Variants in ARHGAP15 observed in about 807,000 individuals in gnomAD.
ARHGAP15 encodes the protein rho GTPase-activating protein 15.
In ARHGAP15, 51 loss-of-function variants were observed where a neutral mutation model predicts 63.7. The ratio of observed to expected loss-of-function variants is 0.80; its 90% CI spans 0.64 to 1.01. ARHGAP15 has a LOEUF of 1.01. Ranked by LOEUF, ARHGAP15 falls within the 50% of genes least tolerant of loss-of-function variation. ARHGAP15 has a pLI of 0.00. For missense variants in ARHGAP15, 560 were observed against 564.6 expected, an observed-to-expected ratio of 0.99 and a Z score of 0.08; for synonymous variants, 191 against 193.8, an observed-to-expected ratio of 0.99 and a Z score of 0.12.
intron 10 of ARHGAP15, among the ~76,000 whole-genome samples, chr2:143,543,684 A>C (rs1695203098): frequency 6.6e-6 from 1 of 152,050 alleles, no homozygotes; most frequent in African/African-American, 2.4e-5. Context: ...TATATATGCA[A>C]ATACCCAGAT....
At chr2:143,348,810 C>CTGAT (rs1201637164) in intron 6 of ARHGAP15, among the ~76,000 whole-genome samples, 1 of 152,142 alleles carries the variant, frequency 6.6e-6, no homozygotes, top group Non-Finnish European at 1.5e-5. Context: ...CATTTCAATA[C>CTGAT]TGATCTTCTA....
rs146628520 is a variant in ARHGAP15 at position 143,472,871 on chromosome 2, A to G, written c.704-14502A>G. Reference sequence around the variant, plus strand: ...CTGGGCTCCAGGGAAGTTAAGTCACACACTTGCTAAGTGGTAGACCCAGGA... The same window carrying G: ...CTGGGCTCCAGGGAAGTTAAGTCACGCACTTGCTAAGTGGTAGACCCAGGA... On this transcript the variant is annotated intron_variant, in intron 8 of 13. Coordinates refer to ENST00000295095, the MANE Select transcript of ARHGAP15 (RefSeq NM_018460.4). Among the ~76,000 whole-genome samples the G allele has an allele frequency of 3.0e-3, 463 of 152,308 alleles. 4 individuals are homozygous for G. Among genetic ancestry groups the G allele is most frequent in the African/African-American group, 0.01 (421 of 41,572 alleles).
intron 6 of ARHGAP15, among the ~76,000 whole-genome samples, chr2:143,279,605 A>C (rs1329038663): frequency 6.6e-6 from 1 of 152,092 alleles, no homozygotes; most frequent in Non-Finnish European, 1.5e-5. Flanking sequence ...TGAGCTATAC[A>C]TTTTTATATT....
At chr2:143,539,150 T>A (rs1430534511) in intron 10 of ARHGAP15, among the ~76,000 whole-genome samples, 2 of 152,234 alleles carry the variant, frequency 1.3e-5, no homozygotes, top group African/African-American at 4.8e-5. Flanking sequence ...CTTCTAGATT[T>A]TCTAGTTTAT....
chr2:143,280,244 C>T (rs111333477), intron 6 of ARHGAP15, among the ~76,000 whole-genome samples: 1 of 152,068 alleles, frequency 6.6e-6, no homozygotes, highest in South Asian at 2.1e-4. Context: ...TCAAATTTGA[C>T]TCAGTGACTA....
chr2:143,436,501 A>G (rs975207614), intron 7 of ARHGAP15, among the ~76,000 whole-genome samples: 3 of 152,270 alleles, frequency 2.0e-5, no homozygotes, highest in East Asian at 1.9e-4. Context: ...GAGTGCACAT[A>G]CATACATACA....
intron 10 of ARHGAP15, among the ~76,000 whole-genome samples, chr2:143,526,304 A>T (rs1694279695): frequency 6.6e-6 from 1 of 152,090 alleles, no homozygotes; most frequent in Non-Finnish European, 1.5e-5. Context: ...CAAATCAGTC[A>T]GCGGATATTC....
At chr2:143,763,659 T>C (rs577468188) in intron 13 of ARHGAP15, among the ~76,000 whole-genome samples, 2 of 148,678 alleles carry the variant, frequency 1.3e-5, no homozygotes, top group African/African-American at 5.0e-5. Flanking sequence ...TGCATATATA[T>C]AAATTGCATA....
At chr2:143,280,692 C>T (rs979134659) in intron 6 of ARHGAP15, among the ~76,000 whole-genome samples, 39 of 152,096 alleles carry the variant, frequency 2.6e-4, no homozygotes, top group African/African-American at 8.5e-4. Context: ...GTGAAGCATT[C>T]ACAGCCAAGA....
At chr2:143,329,782 C>A (rs936488285) in intron 6 of ARHGAP15, among the ~76,000 whole-genome samples, 7 of 151,402 alleles carry the variant, frequency 4.6e-5, no homozygotes, top group African/African-American at 1.7e-4. Flanking sequence ...ACATACACAC[C>A]CCCCTCCGTA....
At chr2:143,373,363 G>T (rs574059629) in intron 6 of ARHGAP15, among the ~76,000 whole-genome samples, 2 of 152,216 alleles carry the variant, frequency 1.3e-5, no homozygotes, top group South Asian at 4.1e-4. Context: ...AGGCACGGTG[G>T]CTCACGCCTG....
At chr2:143,743,236 G>T (rs906502459) in intron 13 of ARHGAP15, among the ~76,000 whole-genome samples, 1 of 152,132 alleles carries the variant, frequency 6.6e-6, no homozygotes, top group South Asian at 2.1e-4. Context: ...CAGGTTTTTC[G>T]TCTCTAAAAT....
At chr2:143,317,008 A>G (rs1293751840) in intron 6 of ARHGAP15, among the ~76,000 whole-genome samples, 2 of 152,022 alleles carry the variant, frequency 1.3e-5, no homozygotes, top group Non-Finnish European at 2.9e-5. Flanking sequence ...ACTTTTCCTG[A>G]TTATTGCATT....
At chr2:143,389,064 AGG>A (rs1687425635) in intron 6 of ARHGAP15, among the ~76,000 whole-genome samples, 1 of 149,436 alleles carries the variant, frequency 6.7e-6, no homozygotes, top group South Asian at 2.2e-4. Flanking sequence ...AGTTTTTAAA[AGG>A]AGTAGCTTAA....
intron 5 of ARHGAP15, among the ~76,000 whole-genome samples, chr2:143,232,314 C>T (rs1693479084): frequency 6.6e-6 from 1 of 151,928 alleles, no homozygotes; most frequent in Non-Finnish European, 1.5e-5. Flanking sequence ...CACCCTTTAC[C>T]AAAAAGAAAA....
chr2:143,435,779 A>T, intron 7 of ARHGAP15, 80 bp downstream of exon 7: 1 of 1,365,044 alleles, frequency 7.3e-7, no homozygotes, highest in Non-Finnish European at 1.0e-6. Context: ...TATAACACAC[A>T]CACTCATTTA....
chr2:143,133,658 T>C (rs1003139834), intron 1 of ARHGAP15, among the ~76,000 whole-genome samples: 16 of 152,318 alleles, frequency 1.1e-4, no homozygotes, highest in African/African-American at 1.9e-4. Context: ...TGTTTGCTTT[T>C]AATTTAAGAA....
At chr2:143,341,293 A>G (rs534847694) in intron 6 of ARHGAP15, among the ~76,000 whole-genome samples, 6 of 152,198 alleles carry the variant, frequency 3.9e-5, no homozygotes, top group Admixed American at 2.6e-4. Context: ...TCACTCTTTA[A>G]GACACTGTCA....
chr2:143,396,680 C>T (rs1687776431), intron 6 of ARHGAP15, among the ~76,000 whole-genome samples: 1 of 150,764 alleles, frequency 6.6e-6, no homozygotes, highest in Non-Finnish European at 1.5e-5. Flanking sequence ...GAACTTCATG[C>T]TAAGGAAAAC....
Sources: gnomAD v4.1 joint callset for allele counts (sites outside exome capture counted in the v4.1 genomes callset) on GRCh38, gnomAD v4.1.1 for gene constraint, MANE v1.5 for transcripts, NCBI Gene and HGNC (gene_info 2026-07-23, HGNC 2026-07-21) for gene names.